The following GALC variants were observed in gnomAD, a reference collection of about 807,000 sequenced individuals.
The protein encoded by GALC is galactosylceramidase, also known as galactocerebrosidase.
A neutral mutation model predicts 91.8 loss-of-function variants in GALC; 77 were observed. The observed-to-expected ratio is 0.84, with a 90% CI of 0.70 to 1.01. GALC has a LOEUF of 1.01. GALC is among the 50% of genes least tolerant of loss of function. The pLI is 0.00. For synonymous variants in GALC, 357 were observed against 306.7 expected (o/e 1.16, Z -1.71); for missense variants, 882 against 855.9 (o/e 1.03, Z -0.38).
Position 87,976,477 on chromosome 14 carries a change from T to C in GALC, c.633A>G (p.Lys211=). 6.2e-7 allele frequency: 1 copy of C among 1,612,432 alleles called. No homozygotes were observed. Among genetic ancestry groups the C allele is most frequent in the Non-Finnish European group, 8.5e-7 (1 of 1,178,480 alleles). ...YNANYIKILR[K]MLNYQGLQRV... ...GCTGGAGACCTTGATAATTCAGCAT[T>C]TTTCTTAATATCTTTTGGAGTAAGA... is the stretch of plus-strand genomic sequence containing the variant. Residue 211 remains lysine (K), a synonymous_variant, in exon 7 of 17, where the codon AAA becomes AAG. Coordinates refer to ENST00000261304, the MANE Select transcript of GALC (RefSeq NM_000153.4).
chr14:87,980,242 G>A (rs1476884556), intron 6 of GALC, among the ~76,000 whole-genome samples: 3 of 152,078 alleles, frequency 2.0e-5, no homozygotes, highest in African/African-American at 7.2e-5. Context: ...AATTAGCCGG[G>A]CGTGGTGGTG....
intron 10 of GALC, chr14:87,953,117 G>C: frequency 6.7e-7 from 1 of 1,498,840 alleles, no homozygotes; most frequent in Non-Finnish European, 9.3e-7. Flanking sequence ...ACCAGTGTTT[G>C]GGATTATTTT....
chr14:87,933,859 A>G lies in GALC; in HGVS notation c.*873T>C, dbSNP rs1191804839. On this transcript the variant is annotated 3_prime_UTR_variant, in exon 17 of 17. Coordinates refer to ENST00000261304, the MANE Select transcript of GALC (RefSeq NM_000153.4). Reference sequence around the variant, plus strand: ...TAAGTGCTCCCCTCCTTCCACACATAAGGAGAGAAAAGCATTCATCAGCTG... The same window carrying G: ...TAAGTGCTCCCCTCCTTCCACACATGAGGAGAGAAAAGCATTCATCAGCTG... 1 of 822,622 alleles carries G rather than the reference A, an allele frequency of 1.2e-6. No individual in the cohort carries two copies. The highest frequency in any genetic ancestry group is 1.9e-6 in the Non-Finnish European group (1 of 514,716). The allele number at this position is 822,622 out of a possible 1,614,324, so 51.0% of individuals were successfully genotyped here.
chr14:87,976,267 T>A, intron 7 of GALC, 91 bp downstream of exon 7: 1 of 1,374,228 alleles, frequency 7.3e-7, no homozygotes. Context: ...TCTGAGAATG[T>A]AATCAAATGG....
chr14:87,953,204 C>T, intron 10 of GALC: 1 of 1,500,818 alleles, frequency 6.7e-7, no homozygotes, highest in Non-Finnish European at 9.2e-7. Flanking sequence ...AAAATGTCAA[C>T]TGATACGGAA....
At chr14:87,938,359 T>C (rs2139934269) in intron 16 of GALC, among the ~76,000 whole-genome samples, 1 of 151,982 alleles carries the variant, frequency 6.6e-6, no homozygotes, top group East Asian at 1.9e-4. Flanking sequence ...CTGTTTTCTA[T>C]CAGGTGGTCA....
chr14:87,992,463 C>T (rs1464776390), intron 1 of GALC: 12 of 1,534,596 alleles, frequency 7.8e-6, no homozygotes, highest in East Asian at 2.4e-5. Context: ...CCATTCTTAC[C>T]CTGCACTAAC....
At chr14:87,963,159 A>C in intron 10 of GALC, 1 of 496,080 alleles carries the variant, frequency 2.0e-6, no homozygotes. Context: ...AACTGCCAGG[A>C]ACAAAGTGGA....
In GALC at chr14:87,945,578, T is replaced by C. The variant is rs1885039054; in HGVS notation, c.1645A>G (p.Ile549Val). The change falls in exon 14 of 17, where the codon ATC becomes GTC. Residue 549 changes from isoleucine to valine, a missense_variant. Ile to Val is a conservative substitution (Grantham distance 29). Transcript: ENST00000261304. Reference sequence around the variant, plus strand: ...CAGTTGTAGTCTCCTATAATACTGATTGTGTTGGATGCATCGGCAGCCCAT... The same window carrying C: ...CAGTTGTAGTCTCCTATAATACTGACTGTGTTGGATGCATCGGCAGCCCAT... ...ITWAADASNT[I>V]SIIGDYNWTN... 6 of 1,607,120 alleles carry C rather than the reference T, an allele frequency of 3.7e-6. No individual in the cohort carries two copies. Among genetic ancestry groups the C allele is most frequent in the South Asian group, 2.2e-5 (2 of 90,948 alleles).
In GALC at chr14:87,934,464, C is replaced by T. The variant is rs1884484961; in HGVS notation, c.*268G>A. On this transcript the variant is annotated 3_prime_UTR_variant, in exon 17 of 17. Coordinates refer to ENST00000261304, the MANE Select transcript of GALC (RefSeq NM_000153.4). ...GCTTCGAGGTCTGTACTACTCAAAC[C>T]ACTCCTAAGGGTATGGCCAATGCAC... is the stretch of plus-strand genomic sequence containing the variant. The T allele has an allele frequency of 1.5e-6, 2 of 1,353,972 alleles. No individual in the cohort carries two copies. The highest frequency in any genetic ancestry group is 3.1e-5 in the Admixed American group (1 of 32,456). The allele number at this position is 1,353,972 out of a possible 1,614,324, so 83.9% of individuals were successfully genotyped here. A position where few individuals can be genotyped will look rare whatever the true frequency, so the allele number is the denominator to read the frequency against.
At chr14:87,970,685 C>T (rs1394836878) in intron 7 of GALC, among the ~76,000 whole-genome samples, 2 of 150,346 alleles carry the variant, frequency 1.3e-5, no homozygotes, top group African/African-American at 4.9e-5. Context: ...ATGGTGAAAC[C>T]CTGTCTCTAC....
chr14:87,976,003 C>T (rs10130189), intron 7 of GALC, among the ~76,000 whole-genome samples: 102 of 152,252 alleles, frequency 6.7e-4, no homozygotes, highest in African/African-American at 2.3e-3. Context: ...GCAAGAACTT[C>T]CAACCACAGA....
At chr14:87,939,318 G>C (rs1326308891) in intron 16 of GALC, among the ~76,000 whole-genome samples, 1 of 146,488 alleles carries the variant, frequency 6.8e-6, no homozygotes, top group Non-Finnish European at 1.5e-5. Flanking sequence ...AATTGTGAGA[G>C]AGCTATCTTG....
At chr14:87,966,986 C>A (rs1886081968) in intron 8 of GALC, among the ~76,000 whole-genome samples, 1 of 152,076 alleles carries the variant, frequency 6.6e-6, no homozygotes, top group Admixed American at 6.6e-5. Flanking sequence ...GACAGAATAC[C>A]AGGAGCCTTC....
chr14:87,981,149 A>AT (rs1317254601), intron 6 of GALC: 1 of 152,256 alleles, frequency 6.6e-6, no homozygotes, highest in African/African-American at 2.4e-5. Context: ...CATTAATGGC[A>AT]TTTGCAGCAA....
At chr14:87,960,937 A>T (rs1205979626) in intron 10 of GALC, among the ~76,000 whole-genome samples, 1 of 152,194 alleles carries the variant, frequency 6.6e-6, no homozygotes, top group Non-Finnish European at 1.5e-5. Context: ...ATGACACCAA[A>T]AGCACAAGAA....
At chr14:87,987,499 T>C (rs934894162) in intron 3 of GALC, among the ~76,000 whole-genome samples, 4 of 152,238 alleles carry the variant, frequency 2.6e-5, no homozygotes, top group African/African-American at 9.6e-5. Context: ...TAGACATATC[T>C]GTTCAACAAA....
intron 1 of GALC, 79 bp downstream of exon 1, chr14:87,992,891 C>A: frequency 7.0e-7 from 1 of 1,429,324 alleles, no homozygotes; most frequent in South Asian, 1.4e-5. Flanking sequence ...CGCAGGGCAA[C>A]GCCGCGGGGG....
At chr14:87,954,726 T>C in intron 10 of GALC, 1 of 1,559,884 alleles carries the variant, frequency 6.4e-7, no homozygotes, top group Non-Finnish European at 8.8e-7. Context: ...AAGATAGCTC[T>C]AAATGCTCAC....
Sources: gnomAD v4.1 joint callset for allele counts (sites outside exome capture counted in the v4.1 genomes callset) on GRCh38, gnomAD v4.1.1 for gene constraint, MANE v1.5 for transcripts, NCBI Gene and HGNC (gene_info 2026-07-23, HGNC 2026-07-21) for gene names.